Variants in NTRK2 observed in about 807,000 individuals in gnomAD.
NTRK2 encodes BDNF/NT-3 growth factors receptor.
In NTRK2, 13 loss-of-function variants were observed where a neutral mutation model predicts 94.5. The ratio of observed to expected loss-of-function variants is 0.14; its 90% CI spans 0.09 to 0.22. NTRK2 has a LOEUF of 0.22. Among genes scored for constraint, NTRK2 ranks in the 10% least tolerant of loss-of-function variants. NTRK2 has a pLI of 1.00. For synonymous variants in NTRK2, 372 were observed against 407.4 expected, an observed-to-expected ratio of 0.91 and a Z score of 1.05; for missense variants, 639 against 1,071.2, an observed-to-expected ratio of 0.60 and a Z score of 5.63.
chr9:84,825,585 G>A (rs1335340558), intron 12 of NTRK2, among the ~76,000 whole-genome samples: 1 of 152,148 alleles, frequency 6.6e-6, no homozygotes, highest in Non-Finnish European at 1.5e-5. Context: ...GGAGATTTAA[G>A]TGGAAAAAAA....
In NTRK2 at chr9:84,944,215, TCACA is replaced by T. The variant is rs56021326; in HGVS notation, c.1765-4212_1765-4209del. Among the ~76,000 whole-genome samples, 315 of 120,312 alleles carry T rather than the reference TCACA, an allele frequency of 2.6e-3. 2 individuals are homozygous for T. Among genetic ancestry groups the T allele is most frequent in the South Asian group, 6.4e-3 (24 of 3,730 alleles). 78.9% of individuals were successfully genotyped at this position (120,312 alleles called of 152,430 possible). On this transcript the variant is annotated intron_variant, in intron 15 of 18. Transcript: ENST00000277120. ...TGTTCTCTCTCTCTCTCTCTCTCTC[TCACA>T]CACACACACACACACACACACACAC...
chr9:84,921,880 G>C (rs2077578485), intron 14 of NTRK2, among the ~76,000 whole-genome samples: 5 of 152,124 alleles, frequency 3.3e-5, no homozygotes, highest in African/African-American at 1.2e-4. Flanking sequence ...GTTCAAATTG[G>C]CTGCCCAAGA....
chr9:84,913,173 A>G (rs551183316), intron 14 of NTRK2, among the ~76,000 whole-genome samples: 218 of 151,890 alleles, frequency 1.4e-3, no homozygotes, highest in Non-Finnish European at 2.3e-3. Flanking sequence ...ATTTTTTAGA[A>G]TTCTTTTTTT....
intron 12 of NTRK2, among the ~76,000 whole-genome samples, chr9:84,761,071 A>G (rs573483114): frequency 1.3e-5 from 2 of 152,338 alleles, no homozygotes; most frequent in South Asian, 4.1e-4. Context: ...CTTTGTTTTT[A>G]TCAAAGCGTC....
intron 12 of NTRK2, among the ~76,000 whole-genome samples, chr9:84,835,454 T>C (rs1473196773): frequency 6.6e-6 from 1 of 152,062 alleles, no homozygotes; most frequent in Non-Finnish European, 1.5e-5. Flanking sequence ...TAAAAAAGGA[T>C]GTGTCTATCA....
chr9:84,895,512 T>C (rs775194652), intron 14 of NTRK2, among the ~76,000 whole-genome samples: 2 of 152,178 alleles, frequency 1.3e-5, no homozygotes, highest in Non-Finnish European at 2.9e-5. Flanking sequence ...TAACCACAAT[T>C]AAGAAGAGAG....
At chr9:84,873,063 G>C in intron 14 of NTRK2, 1 of 1,064,018 alleles carries the variant, frequency 9.4e-7, no homozygotes, top group Non-Finnish European at 1.1e-6. Context: ...TTAGATCAAA[G>C]AGTGCGGGGC....
intron 8 of NTRK2, among the ~76,000 whole-genome samples, chr9:84,725,190 G>A (rs75378231): frequency 6.6e-6 from 1 of 152,132 alleles, no homozygotes; most frequent in African/African-American, 2.4e-5. Context: ...ACTTACACAC[G>A]TGTAGACCCA....
chr9:84,955,983 C>T (rs549949998), intron 17 of NTRK2, among the ~76,000 whole-genome samples: 9 of 152,172 alleles, frequency 5.9e-5, no homozygotes, highest in Non-Finnish European at 1.3e-4. Flanking sequence ...GCTCTTGGCA[C>T]TCCAGCGTGG....
At chr9:84,808,700 C>T (rs1468211502) in intron 12 of NTRK2, among the ~76,000 whole-genome samples, 1 of 152,178 alleles carries the variant, frequency 6.6e-6, no homozygotes, top group East Asian at 1.9e-4. Flanking sequence ...TGAGTACTTC[C>T]TAAATTCTTA....
intron 17 of NTRK2, among the ~76,000 whole-genome samples, chr9:85,004,340 G>A (rs2133443240): frequency 6.6e-6 from 1 of 152,216 alleles, no homozygotes; most frequent in African/African-American, 2.4e-5. Flanking sequence ...TATAAGCCTT[G>A]CCATTCTTGG....
intron 17 of NTRK2, among the ~76,000 whole-genome samples, chr9:85,008,530 G>C (rs75793128): frequency 1.3e-5 from 2 of 152,178 alleles, no homozygotes; most frequent in Non-Finnish European, 2.9e-5. Flanking sequence ...CATGTGGATT[G>C]GTTGCTACCA....
At chr9:84,845,856 C>T (rs530244770) in intron 12 of NTRK2, among the ~76,000 whole-genome samples, 21 of 151,364 alleles carry the variant, frequency 1.4e-4, no homozygotes, top group African/African-American at 2.9e-4. Flanking sequence ...ACTAAAATCT[C>T]GGCAATCCCC....
chr9:84,718,603 C>A (rs903366961), intron 6 of NTRK2, among the ~76,000 whole-genome samples: 1 of 152,178 alleles, frequency 6.6e-6, no homozygotes, highest in African/African-American at 2.4e-5. Context: ...CATCTCCGAT[C>A]TCCAGCGAGG....
Position 84,783,096 on chromosome 9 carries a change from C to A in NTRK2, c.1396+31011C>A, listed in dbSNP as rs115835879. ...CTGTGAATGTCCTCTCGCTGTCCCACCTCCCAGCATGAGAGACCCCTAAAA... is the reference window on the plus strand; with the variant it reads ...CTGTGAATGTCCTCTCGCTGTCCCAACTCCCAGCATGAGAGACCCCTAAAA... On this transcript the variant is annotated intron_variant, in intron 12 of 18. Transcript: ENST00000277120. 5.1e-3 allele frequency among the ~76,000 whole-genome samples: 779 copies of A among 151,382 alleles called. 4 individuals are homozygous for A. Among genetic ancestry groups the A allele is most frequent in the African/African-American group, 0.018 (734 of 41,538 alleles).
chr9:84,941,444 T>G (rs1278958625), intron 15 of NTRK2, among the ~76,000 whole-genome samples: 1 of 152,248 alleles, frequency 6.6e-6, no homozygotes, highest in Non-Finnish European at 1.5e-5. Flanking sequence ...CCACATATTT[T>G]CAGAAAAGCT....
rs896209449 is a variant in NTRK2, at chr9:84,733,429, C to A, written c.1159+5470C>A. 9.2e-5 allele frequency among the ~76,000 whole-genome samples: 14 copies of A among 152,278 alleles called. No homozygotes were observed. In the East Asian group the frequency reaches 2.7e-3, roughly 29 times the overall value. On this transcript the variant is annotated intron_variant, in intron 9 of 18. Transcript: ENST00000277120. The stretch of plus-strand genomic sequence containing the variant: ...TATGCTAGAATCTAGGGATTTTGAA[C>A]AATGTGCCAGCTGTCTTTGGAGGTA...
chr9:84,976,712 A>C (rs1826905453), intron 17 of NTRK2, among the ~76,000 whole-genome samples: 1 of 152,094 alleles, frequency 6.6e-6, no homozygotes, highest in Non-Finnish European at 1.5e-5. Context: ...CAGAGGTAGC[A>C]AGGCCCTGAT....
chr9:85,004,033 G>GGAA (rs1830633604), intron 17 of NTRK2, among the ~76,000 whole-genome samples: 2 of 77,756 alleles, frequency 2.6e-5, no homozygotes, highest in African/African-American at 5.6e-5. Flanking sequence ...AAGAAAGAAA[G>GGAA]AGAGAAAGAA....
Sources: gnomAD v4.1 joint callset for allele counts (sites outside exome capture counted in the v4.1 genomes callset) on GRCh38, gnomAD v4.1.1 for gene constraint, MANE v1.5 for transcripts, NCBI Gene and HGNC (gene_info 2026-07-23, HGNC 2026-07-21) for gene names.